RELL1: variants seen among roughly 807,000 people sequenced by gnomAD.
RELL1 encodes the protein RELT-like protein 1.
In RELL1, 10 loss-of-function variants were observed where a neutral mutation model predicts 23.0. The ratio of observed to expected loss-of-function variants is 0.43; its 90% CI spans 0.27 to 0.74. RELL1 has a LOEUF of 0.74. RELL1 is among the 30% of genes least tolerant of loss of function. RELL1 has a pLI of 0.19. For missense variants in RELL1, 315 were observed against 364.4 expected, an observed-to-expected ratio of 0.86 and a Z score of 1.10; for synonymous variants, 146 against 146.8, an observed-to-expected ratio of 0.99 and a Z score of 0.04.
chr4:37,630,439 A>C (rs1384128486), intron 6 of RELL1, among the ~76,000 whole-genome samples: 1 of 132,626 alleles, frequency 7.5e-6, no homozygotes, highest in African/African-American at 2.9e-5. Flanking sequence ...ATCTCGGCTC[A>C]CTGCAAGCTC....
chr4:37,600,450 C>A (rs1424545058), intron 6 of RELL1, among the ~76,000 whole-genome samples: 1 of 152,046 alleles, frequency 6.6e-6, no homozygotes, highest in Admixed American at 6.6e-5. Context: ...TTCTGTTCTA[C>A]CTACATCATT....
intron 6 of RELL1, among the ~76,000 whole-genome samples, chr4:37,603,239 G>A (rs10050293): frequency 0.32 from 49,243 of 152,088 alleles, 10,132 homozygotes; most frequent in Non-Finnish European, 0.45. Flanking sequence ...CTGGACACCA[G>A]CTGAACCGCG....
At chr4:37,588,346 C>T (rs572392247), downstream of RELL1, 1 of 154,686 alleles carries the variant, frequency 6.5e-6, no homozygotes, top group African/African-American at 2.4e-5. Flanking sequence ...TCCTCAGGGC[C>T]TGAATCATGG....
intron 6 of RELL1, among the ~76,000 whole-genome samples, chr4:37,592,208 CAAAAAAA>C (rs34307749): frequency 1.3e-4 from 12 of 93,382 alleles, no homozygotes; most frequent in African/African-American, 5.0e-4. Flanking sequence ...GACTCCATCT[CAAAAAAA>C]AAAAAAAAAA....
At chr4:37,593,912 TCAGA>T (rs767456653) in intron 6 of RELL1, among the ~76,000 whole-genome samples, 1 of 152,080 alleles carries the variant, frequency 6.6e-6, no homozygotes, top group Non-Finnish European at 1.5e-5. Context: ...AAGAAGAAAT[TCAGA>T]CAAAGAAGGG....
chr4:37,631,652 A>G (rs1720141136), intron 5 of RELL1, 129 bp from the exon 6 acceptor site: 1 of 1,023,160 alleles, frequency 9.8e-7, no homozygotes, highest in Non-Finnish European at 1.4e-6. Context: ...CAAATGAAAA[A>G]CAACATATTC....
At chr4:37,602,794 G>A (rs1337230573) in intron 6 of RELL1, among the ~76,000 whole-genome samples, 3 of 152,144 alleles carry the variant, frequency 2.0e-5, no homozygotes, top group Admixed American at 1.3e-4. Context: ...GGGCTCAAAC[G>A]CAACAGCAAA....
chr4:37,588,975 G>A, downstream of RELL1: 2 of 1,070,300 alleles, frequency 1.9e-6, no homozygotes, highest in Non-Finnish European at 2.9e-6. Context: ...GACCATGCGT[G>A]TATTCAGTGC....
chr4:37,605,848 A>AAAGAAAGAAAGAAAG (rs1435263321), downstream of RELL1, among the ~76,000 whole-genome samples: 41 of 107,246 alleles, frequency 3.8e-4, no homozygotes, highest in South Asian at 9.9e-4. Context: ...AGAAAGAAGG[A>AAAGAAAGAAAGAAAG]AAAGAAAAGA....
At position 37,612,352 on chromosome 4, in the gene RELL1, A is replaced by G. The variant is rs1446584202; in HGVS notation, c.*994T>C. The stretch of plus-strand genomic sequence containing the variant: ...AAAAAAAAAAAACAAAAAAAAACAA[A>G]AAACCGGGTGCAGTGGCCCACGCCT... On this transcript the variant is annotated 3_prime_UTR_variant, in exon 7 of 7. Coordinates refer to ENST00000454158, the MANE Select transcript of RELL1 (RefSeq NM_001085400.2). Among the ~76,000 whole-genome samples, 25 of 147,338 alleles carry G rather than the reference A, an allele frequency of 1.7e-4. No homozygotes were observed. The highest frequency in any genetic ancestry group is 6.3e-4 in the African/African-American group (25 of 39,872).
At chr4:37,649,236 T>A (rs374525766) in intron 2 of RELL1, 40 bp downstream of exon 2, 1 of 1,494,178 alleles carries the variant, frequency 6.7e-7, no homozygotes, top group Non-Finnish European at 9.3e-7. Context: ...ATTTAAAAAC[T>A]GTCTCCTCAC....
chr4:37,652,618 T>C (rs1253911393), intron 1 of RELL1, among the ~76,000 whole-genome samples: 3 of 151,930 alleles, frequency 2.0e-5, no homozygotes, highest in Non-Finnish European at 2.9e-5. Flanking sequence ...AGGGGGACAA[T>C]GGGAAAGAGG....
chr4:37,651,866 C>T lies in RELL1; in HGVS notation c.89-2366G>A, dbSNP rs114888868. 6.3e-3 allele frequency among the ~76,000 whole-genome samples: 964 copies of T among 152,278 alleles called. 8 individuals carry two copies. Among genetic ancestry groups the T allele is most frequent in the African/African-American group, 0.022 (908 of 41,554 alleles). On this transcript the variant is annotated intron_variant, in intron 1 of 6. Transcript: ENST00000454158. ...TTCATAGCTCAATAAAATTCTTCTC[C>T]GCCCTCCTCACCCTTCAGTGTGTCG...
chr4:37,653,954 C>G (rs1397554489), intron 1 of RELL1, among the ~76,000 whole-genome samples: 1 of 152,154 alleles, frequency 6.6e-6, no homozygotes, highest in Non-Finnish European at 1.5e-5. Flanking sequence ...ATGAACCCTG[C>G]CCAAATTGTA....
intron 1 of RELL1, among the ~76,000 whole-genome samples, chr4:37,664,595 T>C (rs1016149676): frequency 6.6e-6 from 1 of 151,916 alleles, no homozygotes; most frequent in African/African-American, 2.4e-5. Context: ...AGAAAAAATA[T>C]TTAAAAAGAA....
chr4:37,602,937 A>G (rs745356597), intron 6 of RELL1, among the ~76,000 whole-genome samples: 1 of 152,240 alleles, frequency 6.6e-6, no homozygotes, highest in Non-Finnish European at 1.5e-5. Context: ...CTCCCAGGTG[A>G]GAAAATGGAG....
At chr4:37,594,872 C>T (rs928666669) in intron 6 of RELL1, among the ~76,000 whole-genome samples, 1 of 152,176 alleles carries the variant, frequency 6.6e-6, no homozygotes, top group African/African-American at 2.4e-5. Context: ...GTGCAAAGAT[C>T]TCCTGACTTC....
chr4:37,607,623 A>G (rs1482814057), downstream of RELL1, among the ~76,000 whole-genome samples: 1 of 138,840 alleles, frequency 7.2e-6, no homozygotes, highest in African/African-American at 2.8e-5. Flanking sequence ...TCTGTCGCCC[A>G]GGCAGGAGTG....
chr4:37,653,417 C>CTCAATATTCAATACAAGTATTGAATA lies in RELL1; in HGVS notation c.89-3918_89-3917insTATTCAATACTTGTATTGAATATTGA, dbSNP rs1560348796. Among the ~76,000 whole-genome samples, 542 of 66,378 alleles carry CTCAATATTCAATACAAGTATTGAATA rather than the reference C, an allele frequency of 8.2e-3. 4 individuals carry two copies. Among genetic ancestry groups the CTCAATATTCAATACAAGTATTGAATA allele is most frequent in the African/African-American group, 0.028 (508 of 18,202 alleles). The allele number at this position is 66,378 out of a possible 152,430, so 43.5% of individuals were successfully genotyped here. A position where few individuals can be genotyped will look rare whatever the true frequency, so the allele number is the denominator to read the frequency against. On this transcript the variant is annotated intron_variant, in intron 1 of 6. Transcript: ENST00000454158. ...TCAATATTCAATACAAGTATTGAAA[C>CTCAATATTCAATACAAGTATTGAATA]CTCAATATTCAATACAAGTATTGAA...
Sources: allele counts gnomAD v4.1 joint callset (sites outside exome capture counted in the v4.1 genomes callset), GRCh38; gene constraint gnomAD v4.1.1; transcripts MANE v1.5; gene names NCBI Gene and HGNC (gene_info 2026-07-23, HGNC 2026-07-21).